C8orf74: variants seen among roughly 807,000 people sequenced by gnomAD.
The protein encoded by C8orf74 is chromosome 8 open reading frame 74.
A neutral mutation model predicts 22.2 loss-of-function variants in C8orf74; 29 were observed. The observed-to-expected ratio is 1.31, with a 90% CI of 0.97 to 1.78. C8orf74 has a LOEUF of 1.78. Among genes scored for constraint, C8orf74 ranks in the 40% most tolerant of loss-of-function variants. C8orf74 has a pLI of 0.00. For missense variants in C8orf74, 515 were observed against 369.9 expected, an observed-to-expected ratio of 1.39 and a Z score of -3.22; for synonymous variants, 255 against 163.1, an observed-to-expected ratio of 1.56 and a Z score of -4.30.
chr8:10,690,912 C>G (rs1479035105), intron 2 of C8orf74: 4 of 456,050 alleles, frequency 8.8e-6, no homozygotes, highest in African/African-American at 8.0e-5. Flanking sequence ...CAGGAAGTTC[C>G]CAGCAGCCAA....
At chr8:10,672,812 C>T (rs892797361) in intron 1 of C8orf74, 99 bp downstream of exon 1, 4 of 1,062,404 alleles carry the variant, frequency 3.8e-6, no homozygotes, top group Non-Finnish European at 4.2e-6. Flanking sequence ...GACCCCGGGG[C>T]AGCCACCCCG....
chr8:10,700,118 C>A, intron 3 of C8orf74, 117 bp from the exon 4 acceptor site: 1 of 616,164 alleles, frequency 1.6e-6, no homozygotes, highest in Non-Finnish European at 2.6e-6. Flanking sequence ...GGCCCGTGGG[C>A]AGGGTGAGAC....
At chr8:10,690,916 C>A (rs935770455) in intron 2 of C8orf74, 1 of 456,136 alleles carries the variant, frequency 2.2e-6, no homozygotes, top group Non-Finnish European at 4.4e-6. Context: ...AAGTTCCCAG[C>A]AGCCAATGCA....
chr8:10,697,384 G>T (rs1156242925), intron 2 of C8orf74, among the ~76,000 whole-genome samples: 1 of 152,158 alleles, frequency 6.6e-6, no homozygotes, highest in African/African-American at 2.4e-5. Context: ...GCAGCGAGCT[G>T]CAGCTGCAGT....
chr8:10,686,447 C>T (rs1242267886), intron 2 of C8orf74: 4 of 152,230 alleles, frequency 2.6e-5, no homozygotes, highest in Non-Finnish European at 4.4e-5. Flanking sequence ...AGTATTATTT[C>T]CTGAGAGCTT....
At chr8:10,679,340 C>T (rs930593431) in intron 2 of C8orf74, among the ~76,000 whole-genome samples, 1 of 152,156 alleles carries the variant, frequency 6.6e-6, no homozygotes. Flanking sequence ...TCCTGCATGC[C>T]CCGCCCGGAC....
intron 2 of C8orf74, chr8:10,688,900 G>A (rs1021979665): frequency 6.6e-6 from 1 of 152,232 alleles, no homozygotes; most frequent in Non-Finnish European, 1.5e-5. Flanking sequence ...AGCCACAGAA[G>A]AGGTCTCAAG....
In C8orf74 at chr8:10,697,592, C is replaced by T; in HGVS notation, c.242-7C>T. 2 of 1,610,856 alleles carry T rather than the reference C, an allele frequency of 1.2e-6. No homozygotes were observed. Among genetic ancestry groups the T allele is most frequent in the Non-Finnish European group, 1.7e-6 (2 of 1,178,240 alleles). ...TCCCACTCTGTTCTTGGCCCCTGTG[C>T]CTACAGGCTGCTCCATTACTGAGGC... On this transcript the variant is annotated splice_region_variant and splice_polypyrimidine_tract_variant and intron_variant, in intron 2 of 3. Coordinates refer to ENST00000304519, the MANE Select transcript of C8orf74 (RefSeq NM_001040032.2).
intron 2 of C8orf74, among the ~76,000 whole-genome samples, chr8:10,684,746 T>C (rs1799225157): frequency 6.6e-6 from 1 of 152,236 alleles, no homozygotes. Context: ...CAGCATATGA[T>C]TTTCTTTGTT....
rs79352245 is a variant in C8orf74, at chr8:10,700,385, C to T, written c.799C>T (p.Pro267Ser). Residue 267 changes from proline to serine, a missense_variant, in exon 4 of 4, where the codon CCC (proline) becomes TCC (serine). Pro to Ser is a moderately conservative substitution (Grantham distance 74). Transcript: ENST00000304519. The stretch of plus-strand genomic sequence containing the variant: ...CCTCAACGCCCCCACCCCTATCCCG[C>T]CCCCCATCACCAGCCACGCAGGCCA... Reference protein sequence around the residue: ...LNLNAPTPIPPPITSHAGQEE... With the variant: ...LNLNAPTPIPSPITSHAGQEE... 16 of 1,612,184 alleles carry T rather than the reference C, an allele frequency of 9.9e-6. No individual in the cohort carries two copies. Among genetic ancestry groups the T allele is most frequent in the South Asian group, 5.5e-5 (5 of 90,926 alleles).
At position 10,678,867 on chromosome 8, in the gene C8orf74, C is replaced by G. The variant is rs1242149871; in HGVS notation, c.241+4029C>G. Among the ~76,000 whole-genome samples, 3 of 152,194 alleles carry G rather than the reference C, an allele frequency of 2.0e-5. No homozygotes were observed. In the East Asian group the frequency reaches 5.8e-4, roughly 29 times the overall value. On this transcript the variant is annotated intron_variant, in intron 2 of 3. Coordinates refer to ENST00000304519, the MANE Select transcript of C8orf74 (RefSeq NM_001040032.2). The stretch of plus-strand genomic sequence containing the variant: ...AGGATGGTGCCTGCTGTCCCTGAGC[C>G]AGGAGGCTGGCCCAGGTGGCGTCCT...
rs558343457 is a variant in C8orf74 at position 10,697,586 on chromosome 8, C to A, written c.242-13C>A. ...TCCCACTCCCACTCTGTTCTTGGCCCCTGTGCCTACAGGCTGCTCCATTAC... is the reference window on the plus strand; with the variant it reads ...TCCCACTCCCACTCTGTTCTTGGCCACTGTGCCTACAGGCTGCTCCATTAC... On this transcript the variant is annotated splice_polypyrimidine_tract_variant and intron_variant, in intron 2 of 3. Transcript: ENST00000304519. 714 of 1,608,984 alleles carry A rather than the reference C, an allele frequency of 4.4e-4. 11 individuals are homozygous for A. The South Asian group carries it at 7.3e-3, about 16-fold the overall frequency.
intron 2 of C8orf74, among the ~76,000 whole-genome samples, chr8:10,696,510 C>T (rs539822440): frequency 2.9e-5 from 4 of 136,908 alleles, no homozygotes; most frequent in African/African-American, 8.3e-5. Context: ...CAGTGTAGCT[C>T]GATCTCAGCT....
intron 2 of C8orf74, among the ~76,000 whole-genome samples, chr8:10,694,305 T>C (rs1330703418): frequency 1.3e-5 from 2 of 152,214 alleles, no homozygotes; most frequent in Non-Finnish European, 2.9e-5. Flanking sequence ...TTTGACAAAC[T>C]AATCTTGGAT....
intron 2 of C8orf74, among the ~76,000 whole-genome samples, chr8:10,675,194 G>C (rs953036102): frequency 6.6e-6 from 1 of 152,262 alleles, no homozygotes; most frequent in East Asian, 1.9e-4. Context: ...AGGGCTGCAC[G>C]TTGTTCCTGG....
intron 2 of C8orf74, 101 bp from the exon 3 acceptor site, chr8:10,697,497 TG>T: frequency 1.0e-6 from 1 of 957,640 alleles, no homozygotes; most frequent in Non-Finnish European, 1.6e-6. Context: ...AGTGGGGACA[TG>T]GGCTCTGTGA....
chr8:10,698,095 G>T, intron 3 of C8orf74, 90 bp downstream of exon 3: 1 of 1,287,218 alleles, frequency 7.8e-7, no homozygotes, highest in Non-Finnish European at 1.0e-6. Context: ...GAGCTCCTCA[G>T]TGGCACACAG....
At chr8:10,697,187 C>G (rs142612522) in intron 2 of C8orf74, among the ~76,000 whole-genome samples, 1 of 152,134 alleles carries the variant, frequency 6.6e-6, no homozygotes, top group Non-Finnish European at 1.5e-5. Context: ...ACCTGTAATT[C>G]CAGTACTTTA....
At chr8:10,676,736 A>C (rs984353234) in intron 2 of C8orf74, among the ~76,000 whole-genome samples, 1 of 152,248 alleles carries the variant, frequency 6.6e-6, no homozygotes, top group East Asian at 1.9e-4. Flanking sequence ...CCCCATGGAC[A>C]GGAGCCTTCA....
Sources: allele counts gnomAD v4.1 joint callset (sites outside exome capture counted in the v4.1 genomes callset), GRCh38; gene constraint gnomAD v4.1.1; transcripts MANE v1.5; gene names NCBI Gene and HGNC (gene_info 2026-07-23, HGNC 2026-07-21).